Variants in CIRSR observed in about 807,000 individuals in gnomAD.
The protein encoded by CIRSR is corepressor of RBPJ and splicing regulator.
the CIRSR span, among the ~76,000 whole-genome samples, chr2:174,349,459 G>A: frequency 6.6e-6 from 1 of 151,138 alleles, no homozygotes; most frequent in African/African-American, 2.4e-5. Context: ...CAGCTACTCA[G>A]GAGGCTGAGG....
the CIRSR span, among the ~76,000 whole-genome samples, chr2:174,354,770 AT>A: frequency 0.57 from 58,977 of 103,998 alleles, 18,247 homozygotes; most frequent in East Asian, 0.78. Context: ...ATATATATAT[AT>A]TTTTTTTTTT....
At chr2:174,354,893 C>T in the CIRSR span, among the ~76,000 whole-genome samples, 7 of 147,718 alleles carry the variant, frequency 4.7e-5, no homozygotes, top group Non-Finnish European at 7.4e-5. Context: ...TAAGCCACTG[C>T]ACCCGGCCAC....
At chr2:174,383,396 TAA>T in the CIRSR span, among the ~76,000 whole-genome samples, 1 of 152,092 alleles carries the variant, frequency 6.6e-6, no homozygotes, top group Admixed American at 6.5e-5. Context: ...AACAGGTGTA[TAA>T]GTTACATTTT....
At chr2:174,387,735 T>C in the CIRSR span, 2 of 1,599,906 alleles carry the variant, frequency 1.3e-6, no homozygotes, top group Non-Finnish European at 1.7e-6. Flanking sequence ...TCAATTCTTC[T>C]TGTTTCTTCT....
chr2:174,381,636 G>A, the CIRSR span: 23 of 1,242,284 alleles, frequency 1.9e-5, no homozygotes, highest in South Asian at 2.9e-5. Context: ...CAGCCTGGAC[G>A]ACAGGGCAAG....
the CIRSR span, chr2:174,380,904 T>C: frequency 1.1e-5 from 11 of 974,594 alleles, no homozygotes; most frequent in African/African-American, 1.5e-4. Context: ...TATGATATCA[T>C]GTTATTTAAT....
At chr2:174,394,245 TAA>T in the CIRSR span, among the ~76,000 whole-genome samples, 1 of 152,222 alleles carries the variant, frequency 6.6e-6, no homozygotes, top group Non-Finnish European at 1.5e-5. Context: ...TATTTGTCTC[TAA>T]ATATAAACAG....
the CIRSR span, among the ~76,000 whole-genome samples, chr2:174,395,039 C>T: frequency 1.3e-5 from 2 of 152,326 alleles, no homozygotes; most frequent in East Asian, 3.9e-4. Flanking sequence ...CACTCTTTTG[C>T]TTTTCATTAC....
chr2:174,380,792 A>C, the CIRSR span: 5 of 1,601,910 alleles, frequency 3.1e-6, no homozygotes, highest in Non-Finnish European at 4.3e-6. Flanking sequence ...GACATAGAAA[A>C]TAGTACTTTA....
the CIRSR span, among the ~76,000 whole-genome samples, chr2:174,359,668 T>C: frequency 2.0e-5 from 3 of 152,152 alleles, no homozygotes; most frequent in Non-Finnish European, 4.4e-5. Flanking sequence ...CTCAAGGATG[T>C]AGAACTAGAA....
chr2:174,354,446 T>TAA, the CIRSR span, among the ~76,000 whole-genome samples: 4 of 15,160 alleles, frequency 2.6e-4, no homozygotes, highest in African/African-American at 3.7e-4. Flanking sequence ...ATATAATATA[T>TAA]TATATAATAT....
chr2:174,373,699 GC>G, the CIRSR span, among the ~76,000 whole-genome samples: 1 of 151,454 alleles, frequency 6.6e-6, no homozygotes, highest in Non-Finnish European at 1.5e-5. Context: ...TTCCCCTAGG[GC>G]TGGATATTTA....
the CIRSR span, among the ~76,000 whole-genome samples, chr2:174,370,941 A>C: frequency 7.9e-5 from 12 of 152,014 alleles, no homozygotes; most frequent in Admixed American, 7.2e-4. Flanking sequence ...GAAAAGAAAA[A>C]TGCTCCATGG....
the CIRSR span, chr2:174,381,866 G>A: frequency 2.4e-6 from 2 of 822,676 alleles, no homozygotes; most frequent in Non-Finnish European, 3.8e-6. Context: ...AAGCCTAAGG[G>A]AATTAAGATA....
At chr2:174,383,846 T>G in the CIRSR span, among the ~76,000 whole-genome samples, 7 of 113,326 alleles carry the variant, frequency 6.2e-5, no homozygotes, top group African/African-American at 2.2e-4. Context: ...GCTAGCTATC[T>G]TCCAAAAAAA....
the CIRSR span, among the ~76,000 whole-genome samples, chr2:174,363,752 C>T: frequency 3.5e-3 from 528 of 152,188 alleles, 2 homozygotes; most frequent in African/African-American, 0.012. Flanking sequence ...TTAAAACCAT[C>T]GGATCTTGTG....
the CIRSR span, among the ~76,000 whole-genome samples, chr2:174,386,735 T>C: frequency 6.6e-6 from 1 of 152,356 alleles, no homozygotes; most frequent in East Asian, 1.9e-4. Context: ...TAAATCCTTA[T>C]CATTCTTCAG....
chr2:174,386,894 G>C, the CIRSR span, among the ~76,000 whole-genome samples: 2 of 152,006 alleles, frequency 1.3e-5, no homozygotes, highest in African/African-American at 4.8e-5. Flanking sequence ...ATATGTATTT[G>C]TATCTCTTAC....
chr2:174,359,555 A>G, the CIRSR span, among the ~76,000 whole-genome samples: 71 of 152,264 alleles, frequency 4.7e-4, no homozygotes, highest in African/African-American at 1.5e-3. Flanking sequence ...AAAAGTCAGG[A>G]AACAACAGGT....
Sources: allele counts gnomAD v4.1 joint callset (sites outside exome capture counted in the v4.1 genomes callset), GRCh38; gene constraint gnomAD v4.1.1; transcripts MANE v1.5; gene names NCBI Gene and HGNC (gene_info 2026-07-23, HGNC 2026-07-21).